The following RNLS variants were observed in gnomAD, a reference collection of about 807,000 sequenced individuals.
The protein encoded by RNLS is renalase.
A neutral mutation model predicts 39.8 loss-of-function variants in RNLS; 39 were observed. That is an observed-to-expected ratio of 0.98 (90% confidence interval 0.76 to 1.28). The LOEUF is 1.28. RNLS is among the 50% of genes most tolerant of loss of function. The pLI is 0.00. For missense variants in RNLS, 410 were observed against 413.3 expected (o/e 0.99, Z 0.07); for synonymous variants, 147 against 150.7 (o/e 0.98, Z 0.18).
chr10:88,458,363 G>A (rs1162768752), intron 4 of RNLS, among the ~76,000 whole-genome samples: 1 of 152,174 alleles, frequency 6.6e-6, no homozygotes, highest in Non-Finnish European at 1.5e-5. Context: ...CTCACGCACA[G>A]TTCCTTCCTC....
chr10:88,420,850 T>G (rs1854362407), intron 4 of RNLS, among the ~76,000 whole-genome samples: 1 of 152,226 alleles, frequency 6.6e-6, no homozygotes, highest in African/African-American at 2.4e-5. Flanking sequence ...TTGGTTATGT[T>G]TTAGAAAGTT....
intron 4 of RNLS, among the ~76,000 whole-genome samples, chr10:88,436,633 TACAG>T (rs374053147): frequency 1.3e-5 from 2 of 152,182 alleles, no homozygotes; most frequent in African/African-American, 4.8e-5. Context: ...AAGTCCCAAA[TACAG>T]ACAAACCTCT....
chr10:88,534,406 C>T (rs1455516274), intron 4 of RNLS, among the ~76,000 whole-genome samples: 1 of 151,978 alleles, frequency 6.6e-6, no homozygotes. Flanking sequence ...TAGGGAATTG[C>T]TCTGAGCTGG....
rs75395241 is a variant in RNLS at position 88,524,457 on chromosome 10, T to C, written c.526+48446A>G. Among the ~76,000 whole-genome samples, 545 of 152,252 alleles carry C rather than the reference T, an allele frequency of 3.6e-3. 4 individuals carry two copies. The highest frequency in any genetic ancestry group is 0.027 in the Middle Eastern group (8 of 294). On this transcript the variant is annotated intron_variant, in intron 4 of 6. Coordinates refer to ENST00000331772, the MANE Select transcript of RNLS (RefSeq NM_001031709.3). Reference sequence around the variant, plus strand: ...ATGAAAGAAATCCTGACCTGCACCATAGTCATGCTACTAAAGTGATTTTGT... The same window carrying C: ...ATGAAAGAAATCCTGACCTGCACCACAGTCATGCTACTAAAGTGATTTTGT...
intron 6 of RNLS, among the ~76,000 whole-genome samples, chr10:88,308,629 G>A (rs1386990217): frequency 6.6e-6 from 1 of 152,060 alleles, no homozygotes; most frequent in Non-Finnish European, 1.5e-5. Flanking sequence ...AACAGATGCT[G>A]GTGAGGTTGA....
chr10:88,509,852 C>G (rs1257939503), intron 4 of RNLS, among the ~76,000 whole-genome samples: 1 of 152,172 alleles, frequency 6.6e-6, no homozygotes, highest in East Asian at 1.9e-4. Context: ...TATAACCTTT[C>G]TTCCTCAAAT....
chr10:88,297,478 G>A (rs1185858310), intron 6 of RNLS, among the ~76,000 whole-genome samples: 1 of 151,936 alleles, frequency 6.6e-6, no homozygotes, highest in Non-Finnish European at 1.5e-5. Context: ...TCTTTTTTGT[G>A]TGTTTGGTGA....
At chr10:88,181,142 A>G in the RNLS span, among the ~76,000 whole-genome samples, 1 of 152,174 alleles carries the variant, frequency 6.6e-6, no homozygotes, top group South Asian at 2.1e-4. Context: ...GTGTAATCAC[A>G]TGGCATTTCA....
intron 4 of RNLS, among the ~76,000 whole-genome samples, chr10:88,365,380 A>AGT (rs201474203): frequency 1.7e-5 from 1 of 60,182 alleles, no homozygotes; most frequent in East Asian, 6.8e-4. Context: ...CAAGCAAAAC[A>AGT]ATATTCTTTC....
chr10:88,204,376 C>G, the RNLS span, among the ~76,000 whole-genome samples: 3 of 152,122 alleles, frequency 2.0e-5, no homozygotes, highest in Non-Finnish European at 4.4e-5. Flanking sequence ...GCTTTCGTGT[C>G]TTGTATGCAG....
At chr10:88,203,337 C>CATGT in the RNLS span, among the ~76,000 whole-genome samples, 1 of 9,636 alleles carries the variant, frequency 1.0e-4, no homozygotes, top group Non-Finnish European at 1.5e-4. Context: ...TATATATATA[C>CATGT]ACGTATGTGT....
At chr10:88,381,081 ATAGTC>A (rs770067940) in intron 4 of RNLS, among the ~76,000 whole-genome samples, 2 of 152,216 alleles carry the variant, frequency 1.3e-5, no homozygotes, top group African/African-American at 4.8e-5. Context: ...AACGCATAGT[ATAGTC>A]TAATTTTTCT....
chr10:88,261,521 T>C, the RNLS span, among the ~76,000 whole-genome samples: 1 of 152,140 alleles, frequency 6.6e-6, no homozygotes, highest in African/African-American at 2.4e-5. Context: ...AAAGAGTACC[T>C]CTTATTAGAT....
chr10:88,203,618 T>C, the RNLS span, among the ~76,000 whole-genome samples: 57 of 150,030 alleles, frequency 3.8e-4, no homozygotes, highest in Non-Finnish European at 1.2e-4. Context: ...CTGGACCTAC[T>C]GAATCAGGCT....
At chr10:88,402,745 G>A (rs182924597) in intron 4 of RNLS, among the ~76,000 whole-genome samples, 1 of 152,000 alleles carries the variant, frequency 6.6e-6, no homozygotes, top group East Asian at 1.9e-4. Flanking sequence ...ATGTTCCTGA[G>A]TTCCTGCACC....
At chr10:88,506,220 G>A (rs1845785038) in intron 4 of RNLS, among the ~76,000 whole-genome samples, 1 of 152,034 alleles carries the variant, frequency 6.6e-6, no homozygotes, top group African/African-American at 2.4e-5. Context: ...AAGAAATGGT[G>A]GAAGGAAACT....
chr10:88,419,126 G>A (rs866616093), intron 4 of RNLS, among the ~76,000 whole-genome samples: 1 of 152,114 alleles, frequency 6.6e-6, no homozygotes, highest in Non-Finnish European at 1.5e-5. Context: ...GTTTGCTAAA[G>A]CCTATTGCAG....
chr10:88,210,379 T>C, the RNLS span, among the ~76,000 whole-genome samples: 2 of 152,220 alleles, frequency 1.3e-5, no homozygotes, highest in Admixed American at 1.3e-4. Context: ...CTTCAAATAA[T>C]CTTAATAGTG....
chr10:88,310,009 T>G (rs1337508689), intron 6 of RNLS, among the ~76,000 whole-genome samples: 1 of 151,916 alleles, frequency 6.6e-6, no homozygotes, highest in African/African-American at 2.4e-5. Context: ...GTCCTGGAGT[T>G]CAAGACCAGC....
Sources: allele counts gnomAD v4.1 joint callset (sites outside exome capture counted in the v4.1 genomes callset), GRCh38; gene constraint gnomAD v4.1.1; transcripts MANE v1.5; gene names NCBI Gene and HGNC (gene_info 2026-07-23, HGNC 2026-07-21).